ACAD10: variants seen among roughly 807,000 people sequenced by gnomAD.
The protein encoded by ACAD10 is acyl-CoA dehydrogenase family member 10.
In ACAD10, 112 loss-of-function variants were observed where a neutral mutation model predicts 116.8. The observed-to-expected ratio is 0.96, with a 90% confidence interval of 0.82 to 1.12. The LOEUF (loss-of-function observed/expected upper bound fraction) is 1.12. ACAD10 is among the 50% of genes most tolerant of loss of function. ACAD10 has a pLI of 0.00. For synonymous variants in ACAD10, 486 were observed against 510.6 expected, an observed-to-expected ratio of 0.95 and a Z score of 0.65; for missense variants, 1,259 against 1,350.2, an observed-to-expected ratio of 0.93 and a Z score of 1.06.
At chr12:111,720,303 A>G (rs1340627692) in intron 7 of ACAD10, among the ~76,000 whole-genome samples, 1 of 152,206 alleles carries the variant, frequency 6.6e-6, no homozygotes, top group Non-Finnish European at 1.5e-5. Context: ...TGTCCATCAG[A>G]TCAAGTTGGT....
chr12:111,688,810 A>C lies in ACAD10; in HGVS notation c.-14+2571A>C, dbSNP rs958592287. 4.0e-5 allele frequency among the ~76,000 whole-genome samples: 6 copies of C among 150,916 alleles called. No individual in the cohort carries two copies. In the East Asian group the frequency reaches 1.2e-3, roughly 30 times the overall value. The stretch of plus-strand genomic sequence containing the variant: ...GAGCAAGACTCCGTCTCAAAACAAA[A>C]CAAAAAAAAGAAAGCAAAAAAAGTG... On this transcript the variant is annotated intron_variant, in intron 1 of 20. Coordinates refer to ENST00000313698, the MANE Select transcript of ACAD10 (RefSeq NM_025247.6).
At chr12:111,728,835 A>T (rs754683029) in intron 9 of ACAD10, among the ~76,000 whole-genome samples, 1 of 152,026 alleles carries the variant, frequency 6.6e-6, no homozygotes, top group Non-Finnish European at 1.5e-5. Context: ...GACTACAGGT[A>T]CGCACCACCA....
At chr12:111,710,033 A>G (rs112110213) in intron 5 of ACAD10, 10 of 337,844 alleles carry the variant, frequency 3.0e-5, no homozygotes, top group African/African-American at 1.3e-4. Flanking sequence ...CATGCAGCTC[A>G]CTGCTGTAAA....
chr12:111,698,077 C>T (rs951320274), intron 2 of ACAD10, among the ~76,000 whole-genome samples: 5 of 151,394 alleles, frequency 3.3e-5, no homozygotes, highest in African/African-American at 1.2e-4. Flanking sequence ...TCACTGTAAC[C>T]TCTGTCTCCC....
At chr12:111,724,199 G>A (rs1017373893) in intron 8 of ACAD10, among the ~76,000 whole-genome samples, 1 of 151,206 alleles carries the variant, frequency 6.6e-6, no homozygotes, top group Admixed American at 6.6e-5. Context: ...GCCGGGCAGA[G>A]ACGCTCCTCA....
intron 1 of ACAD10, among the ~76,000 whole-genome samples, chr12:111,690,146 T>A (rs1887994579): frequency 6.6e-6 from 1 of 152,188 alleles, no homozygotes; most frequent in African/African-American, 2.4e-5. Flanking sequence ...CTCTAGGTGC[T>A]TATAGAGGTT....
chr12:111,719,732 T>TTTTA (rs1888961455), intron 7 of ACAD10, among the ~76,000 whole-genome samples: 1 of 152,098 alleles, frequency 6.6e-6, no homozygotes, highest in South Asian at 2.1e-4. Context: ...TTTGTATTAT[T>TTTTA]TTTATTATTT....
intron 8 of ACAD10, among the ~76,000 whole-genome samples, chr12:111,725,167 T>C (rs74741887): frequency 6.6e-6 from 1 of 152,192 alleles, no homozygotes; most frequent in African/African-American, 2.4e-5. Context: ...TGATTTTTTT[T>C]GGCTGAACCT....
intron 2 of ACAD10, among the ~76,000 whole-genome samples, chr12:111,694,547 G>A (rs976999204): frequency 2.0e-5 from 3 of 151,922 alleles, no homozygotes; most frequent in African/African-American, 7.3e-5. Context: ...AAAGATCACT[G>A]GACAGAAAGT....
At chr12:111,748,927 T>A in intron 17 of ACAD10, 1 of 1,315,892 alleles carries the variant, frequency 7.6e-7, no homozygotes, top group Non-Finnish European at 1.1e-6. Context: ...CAGCTTAAGG[T>A]GGCATTATTA....
chr12:111,725,595 C>T (rs1002652068), intron 8 of ACAD10, among the ~76,000 whole-genome samples: 1 of 150,766 alleles, frequency 6.6e-6, no homozygotes, highest in Non-Finnish European at 1.5e-5. Context: ...AGCGAAATGG[C>T]GCGGTCTGGG....
intron 12 of ACAD10, among the ~76,000 whole-genome samples, chr12:111,742,593 C>T (rs1206296779): frequency 1.3e-5 from 2 of 152,132 alleles, no homozygotes; most frequent in South Asian, 2.1e-4. Flanking sequence ...GGCATGGTGG[C>T]TCATGCCTGT....
In ACAD10 at chr12:111,748,450, G is replaced by A. The variant is rs751978757; in HGVS notation, c.2619G>A (p.Thr873=). The A allele has an allele frequency of 1.4e-5, 22 of 1,613,604 alleles. No homozygotes were observed. Among genetic ancestry groups the A allele is most frequent in the Admixed American group, 8.3e-5 (5 of 59,998 alleles). ...TPGIKIIRPL[T]VYGLEDAPGG... is the part of the protein sequence containing the mutation. ...GGATAAAAATCATCCGGCCTCTGAC[G>A]GTGTATGGACTGGAAGATGCACCAG... Residue 873 remains threonine, a synonymous_variant, in exon 17 of 21, where the codon ACG becomes ACA. Coordinates refer to ENST00000313698, the MANE Select transcript of ACAD10 (RefSeq NM_025247.6).
chr12:111,718,036 C>CTTTTTTTTTTTTTTTTTT (rs560344796), intron 7 of ACAD10, among the ~76,000 whole-genome samples: 1 of 63,678 alleles, frequency 1.6e-5, no homozygotes, highest in African/African-American at 8.2e-5. Context: ...TAGTGATATC[C>CTTTTTTTTTTTTTTTTTT]TTTTTTTTTT....
chr12:111,733,485 G>A lies in ACAD10; in HGVS notation c.1395-438G>A, dbSNP rs540954999. Among the ~76,000 whole-genome samples the A allele has an allele frequency of 3.3e-5, 5 of 152,198 alleles. No homozygotes were observed. In the South Asian group the frequency reaches 8.3e-4, roughly 25 times the overall value. ...GTATCACGTTTTCTGACCTAGTCTA[G>A]TTTCAGGAATCCCTCAGCATCACTT... is the stretch of plus-strand genomic sequence containing the variant. On this transcript the variant is annotated intron_variant, in intron 10 of 20. Coordinates refer to ENST00000313698, the MANE Select transcript of ACAD10 (RefSeq NM_025247.6).
chr12:111,747,058 T>C lies in ACAD10; in HGVS notation c.2266T>C (p.Cys756Arg). 1 of 1,599,786 alleles carries C rather than the reference T, an allele frequency of 6.3e-7. No individual in the cohort carries two copies. The highest frequency in any genetic ancestry group is 1.3e-5 in the African/African-American group (1 of 74,634). ...TCCTTTTCCTTCTCAGGTATGTAACTGCTCTGCGCCTGACACGGGCAACAT... is the reference window on the plus strand; with the variant it reads ...TCCTTTTCCTTCTCAGGTATGTAACCGCTCTGCGCCTGACACGGGCAACAT... ...TSLYAPEVCN[C>R]SAPDTGNMEL... Residue 756 changes from cysteine (C) to arginine (R), a missense_variant, in exon 15 of 21, where the codon TGC becomes CGC. By Grantham distance (180) the Cys-to-Arg change is radical. Transcript: ENST00000313698.
Position 111,747,158 on chromosome 12 carries a change from G to A in ACAD10, c.2366G>A (p.Arg789His), listed in dbSNP as rs765259177. 147 of 1,612,268 alleles carry A rather than the reference G, an allele frequency of 9.1e-5. No homozygotes were observed. The East Asian group carries it at 2.8e-3, about 31-fold the overall frequency. ...ATTCCTCTGCTGGAGGGGAAAGCCC[G>A]CTCCTGTTTTGCTATGACCGAGCCC... ...WLIPLLEGKA[R>H]SCFAMTEPQV... Residue 789 changes from arginine to histidine, a missense_variant, in exon 15 of 21, where the codon CGC becomes CAC. Arg to His is a conservative substitution (Grantham distance 29, BLOSUM62 0). Coordinates refer to ENST00000313698, the MANE Select transcript of ACAD10 (RefSeq NM_025247.6).
intron 1 of ACAD10, among the ~76,000 whole-genome samples, chr12:111,687,587 A>G (rs569706869): frequency 3.9e-5 from 6 of 152,338 alleles, no homozygotes; most frequent in Admixed American, 2.0e-4. Flanking sequence ...CATAAAACCT[A>G]TGAGACCTCT....
intron 6 of ACAD10, among the ~76,000 whole-genome samples, chr12:111,714,287 A>AT (rs1566149758): frequency 6.6e-6 from 1 of 151,910 alleles, no homozygotes; most frequent in Non-Finnish European, 1.5e-5. Context: ...AACGCAACAA[A>AT]TTGTCTCCAT....
Sources: allele counts gnomAD v4.1 joint callset (sites outside exome capture counted in the v4.1 genomes callset), GRCh38; gene constraint gnomAD v4.1.1; transcripts MANE v1.5; gene names NCBI Gene and HGNC (gene_info 2026-07-23, HGNC 2026-07-21).